The following CFAP74 variants were observed in gnomAD, a reference collection of about 807,000 sequenced individuals.
The protein encoded by CFAP74 is cilia and flagella associated protein 74.
In CFAP74, 124 loss-of-function variants were observed where a neutral mutation model predicts 188.9. The ratio of observed to expected loss-of-function variants is 0.66; its 90% CI spans 0.57 to 0.76. CFAP74 has a LOEUF of 0.76. Among genes scored for constraint, CFAP74 ranks in the 30% least tolerant of loss-of-function variants. The probability of loss-of-function intolerance (pLI) is 0.00; values close to 1 mark genes in which losing one functional copy is unlikely to be tolerated. For missense variants in CFAP74, 2,198 were observed against 2,165.2 expected, an observed-to-expected ratio of 1.02 and a Z score of -0.30; for synonymous variants, 956 against 916.7, an observed-to-expected ratio of 1.04 and a Z score of -0.77.
At position 1,968,582 on chromosome 1, in the gene CFAP74, A is replaced by G; in HGVS notation, c.1245+53T>C. ...CACCACACCTGAGCCCTGAGGCCCC[A>G]CCTGCCCTCCACAGGTGTGCGGCTT... On this transcript the variant is annotated intron_variant, in intron 11 of 38. Transcript: ENST00000682832. This position sits in a 1 kb window ranked among gnomAD's most constrained non-coding sequence, Gnocchi z 4.3. 6.7e-7 allele frequency: 1 copy of G among 1,494,304 alleles called. No homozygotes were observed. Among genetic ancestry groups the G allele is most frequent in the Non-Finnish European group, 9.2e-7 (1 of 1,084,410 alleles). 92.6% of individuals were successfully genotyped at this position (1,494,304 alleles called of 1,614,324 possible).
chr1:1,931,502 C>T (rs542509056), intron 25 of CFAP74, among the ~76,000 whole-genome samples: 3 of 148,424 alleles, frequency 2.0e-5, no homozygotes, highest in Admixed American at 6.8e-5. Context: ...TTTAGGAGTC[C>T]GAGGCGGGCG....
At chr1:1,948,701 G>A (rs368435730) in intron 18 of CFAP74, among the ~76,000 whole-genome samples, 3 of 147,336 alleles carry the variant, frequency 2.0e-5, no homozygotes, top group South Asian at 2.2e-4. Context: ...CGATCCTCCC[G>A]GCTCAGCATC....
chr1:1,948,664 C>T (rs1466258851), intron 18 of CFAP74, among the ~76,000 whole-genome samples: 1 of 149,530 alleles, frequency 6.7e-6, no homozygotes, highest in East Asian at 2.0e-4. Context: ...TCACAGCTCA[C>T]TGCAGCCTCA....
intron 14 of CFAP74, 68 bp downstream of exon 14, chr1:1,963,681 A>G (rs1225320864): frequency 1.0e-5 from 10 of 992,976 alleles, no homozygotes; most frequent in Admixed American, 2.0e-5. Context: ...CGTTCTGAAC[A>G]TGAAGGGACC....
chr1:1,943,222 C>T (rs532049687), intron 21 of CFAP74, among the ~76,000 whole-genome samples: 2 of 152,364 alleles, frequency 1.3e-5, no homozygotes, highest in South Asian at 4.1e-4. Flanking sequence ...GCCCGACAGA[C>T]ACGCCTGGGC....
chr1:1,930,929 T>C (rs1373940206), intron 25 of CFAP74, among the ~76,000 whole-genome samples: 1 of 152,222 alleles, frequency 6.6e-6, no homozygotes, highest in Non-Finnish European at 1.5e-5. Flanking sequence ...TTTTAACCAT[T>C]GGAAACTTCA....
At chr1:1,962,887 AAAAAC>A (rs1279265461) in intron 14 of CFAP74, among the ~76,000 whole-genome samples, 1 of 152,072 alleles carries the variant, frequency 6.6e-6, no homozygotes, top group Non-Finnish European at 1.5e-5. Context: ...AGACCCTGTC[AAAAAC>A]AAAACAAAGA....
chr1:1,971,020 A>T (rs1245552312), intron 9 of CFAP74, among the ~76,000 whole-genome samples: 1 of 148,058 alleles, frequency 6.8e-6, no homozygotes, highest in South Asian at 2.1e-4. Flanking sequence ...ACATGCACAC[A>T]TCACACATGC....
At chr1:1,928,565 C>T (rs1173832418) in intron 27 of CFAP74, among the ~76,000 whole-genome samples, 3 of 152,236 alleles carry the variant, frequency 2.0e-5, no homozygotes, top group Non-Finnish European at 4.4e-5. Flanking sequence ...GCCCACCCTT[C>T]CCTGCTCCCG....
intron 25 of CFAP74, among the ~76,000 whole-genome samples, chr1:1,932,001 G>A (rs1652422200): frequency 6.7e-6 from 1 of 149,588 alleles, no homozygotes; most frequent in African/African-American, 2.5e-5. Context: ...AGGAGGTAGA[G>A]GTTGCGGTGA....
At chr1:1,986,915 C>A in intron 5 of CFAP74, 22 bp downstream of exon 5, 2 of 1,590,036 alleles carry the variant, frequency 1.3e-6, no homozygotes, top group South Asian at 2.2e-5. Flanking sequence ...CGGTTCCCTG[C>A]CCCCTGGCGA....
intron 18 of CFAP74, among the ~76,000 whole-genome samples, chr1:1,948,907 C>CTTCCCTCCTCTTTCCCTCCCTTCT (rs1653978327): frequency 6.7e-5 from 3 of 44,456 alleles, no homozygotes; most frequent in Non-Finnish European, 1.6e-4. Flanking sequence ...CCTTCCCTTC[C>CTTCCCTCCTCTTTCCCTCCCTTCT]TTCCTTCCCT....
At chr1:1,955,321 G>C (rs2102060523) in intron 18 of CFAP74, 2 of 1,309,016 alleles carry the variant, frequency 1.5e-6, no homozygotes, top group South Asian at 1.2e-5. Context: ...CTCCCCGCTG[G>C]TGCGCGTCTA....
chr1:1,977,136 C>T (rs1656501233), intron 6 of CFAP74, among the ~76,000 whole-genome samples: 1 of 152,176 alleles, frequency 6.6e-6, no homozygotes, highest in Non-Finnish European at 1.5e-5. Flanking sequence ...ATGTGAGCCA[C>T]CTCGCCCAGC....
At chr1:1,934,587 A>G (rs78471821) in intron 25 of CFAP74, among the ~76,000 whole-genome samples, 1,172 of 70,432 alleles carry the variant, frequency 0.017, 1 homozygote, top group African/African-American at 0.023. Context: ...GTGTTAGGTT[A>G]TAGGTACACG....
chr1:1,988,483 C>G (rs1220533763), intron 4 of CFAP74, 29 bp downstream of exon 4: 2 of 1,606,116 alleles, frequency 1.2e-6, no homozygotes, highest in South Asian at 2.2e-5. Context: ...TCAAGAGGTG[C>G]AGGTGCAGCG....
intron 25 of CFAP74, among the ~76,000 whole-genome samples, chr1:1,933,908 G>A (rs945868877): frequency 6.6e-6 from 1 of 152,138 alleles, no homozygotes; most frequent in Non-Finnish European, 1.5e-5. Flanking sequence ...TAATATCTGC[G>A]TTTAGAACTA....
chr1:1,987,867 C>T (rs932808666), intron 4 of CFAP74: 24 of 341,062 alleles, frequency 7.0e-5, no homozygotes, highest in South Asian at 9.0e-5. Flanking sequence ...AACACACGGG[C>T]GCTGCCGGAG....
At chr1:1,971,772 C>T (rs1288149135) in intron 9 of CFAP74, among the ~76,000 whole-genome samples, 1 of 152,270 alleles carries the variant, frequency 6.6e-6, no homozygotes, top group Non-Finnish European at 1.5e-5. Flanking sequence ...GTGCCTGCTC[C>T]TGCCTGACTC....
Sources: allele counts gnomAD v4.1 joint callset (sites outside exome capture counted in the v4.1 genomes callset), GRCh38; gene constraint gnomAD v4.1.1; non-coding constraint Gnocchi (gnomAD v3.1); transcripts MANE v1.5; gene names NCBI Gene and HGNC (gene_info 2026-07-23, HGNC 2026-07-21).